The following PLIN4 variants were observed in gnomAD, a reference collection of about 807,000 sequenced individuals.
The protein encoded by PLIN4 is perilipin 4.
Under a neutral mutation model 52.4 loss-of-function variants are expected in PLIN4, and 57 were observed. The observed-to-expected ratio is 1.09, with a 90% CI of 0.88 to 1.36. The LOEUF (loss-of-function observed/expected upper bound fraction) is 1.36. Ranked by LOEUF, PLIN4 falls within the 40% of genes most tolerant of loss-of-function variation. PLIN4 has a pLI of 0.00. For missense variants in PLIN4, 1,757 were observed against 1,770.3 expected (o/e 0.99, Z 0.13); for synonymous variants, 826 against 785.4 (o/e 1.05, Z -0.86).
At position 4,504,493 on chromosome 19, in the gene PLIN4, A is replaced by C; in HGVS notation, c.4082T>G (p.Val1361Gly). The C allele has an allele frequency of 6.3e-7, 1 of 1,597,464 alleles. No individual in the cohort carries two copies. The highest frequency in any genetic ancestry group is 8.5e-7 in the Non-Finnish European group (1 of 1,171,066). ...GCCAGCGGGCAAGGCGAAGGGCCCTACCAGCCAGCTGAGCGGGGGATTGTG... is the reference window on the plus strand; with the variant it reads ...GCCAGCGGGCAAGGCGAAGGGCCCTCCCAGCCAGCTGAGCGGGGGATTGTG... The part of the protein sequence containing the change: ...LQHNPPLSWL[V>G]GPFALPAGGQ Residue 1361 changes from valine to glycine, a missense_variant, in exon 8 of 8, where the codon GTA becomes GGA. Physicochemically the swap from Val to Gly is moderately radical, Grantham distance 109. Around this residue, in one of 7 missense-constraint regions of PLIN4, gnomAD observed 712 missense variants for 637.1 expected, o/e 1.12. Transcript: ENST00000301286.
Position 4,511,034 on chromosome 19 carries a change from T to G in PLIN4, c.2926A>C (p.Lys976Gln). The G allele has an allele frequency of 6.2e-7, 1 of 1,613,424 alleles. No individual in the cohort carries two copies. Among genetic ancestry groups the G allele is most frequent in the Non-Finnish European group, 8.5e-7 (1 of 1,179,846 alleles). ...TCCACGCCGGTCTGCACGGTTCCTTTGGCCACATTCACTGCCCCCGTGACT... is the reference window on the plus strand; with the variant it reads ...TCCACGCCGGTCTGCACGGTTCCTTGGGCCACATTCACTGCCCCCGTGACT... Reference protein sequence around the residue: ...TGVTGAVNVAKGTVQTGVDAS... With the variant: ...TGVTGAVNVAQGTVQTGVDAS... Residue 976 changes from lysine (K) to glutamine (Q), a missense_variant, in exon 5 of 8, where the codon AAA becomes CAA. Physicochemically the swap from Lys to Gln is moderately conservative, Grantham distance 53. This residue lies in a region of PLIN4 where 712 missense variants were observed against 637.1 expected (regional missense o/e 1.12). Coordinates refer to ENST00000301286, the MANE Select transcript of PLIN4 (RefSeq NM_001367868.2).
chr19:4,508,646 A>G (rs1976172948), intron 6 of PLIN4, 122 bp downstream of exon 6: 4 of 1,103,948 alleles, frequency 3.6e-6, no homozygotes, highest in African/African-American at 1.6e-5. Flanking sequence ...AGCCATGACC[A>G]TTGGTGACGC....
In PLIN4 at chr19:4,517,711, G is replaced by A. The variant is rs750993101; in HGVS notation, c.52-13C>T. 4.6e-5 allele frequency: 73 copies of A among 1,571,768 alleles called. No individual in the cohort carries two copies. In the Middle Eastern group the frequency reaches 6.7e-4, roughly 14 times the overall value. On this transcript the variant is annotated splice_polypyrimidine_tract_variant and intron_variant, in intron 2 of 7. Coordinates refer to ENST00000301286, the MANE Select transcript of PLIN4 (RefSeq NM_001367868.2). Reference sequence around the variant, plus strand: ...AGCTGCCCAGGGTCTGCATGGGGGCGGGGGGTGTGCAGGATGAGCAGGCCA... The same window carrying A: ...AGCTGCCCAGGGTCTGCATGGGGGCAGGGGGTGTGCAGGATGAGCAGGCCA...
At position 4,513,240 on chromosome 19, in the gene PLIN4, AGT is replaced by A; in HGVS notation, c.718_719del (p.Thr240TrpfsTer21). 1 of 1,613,868 alleles carries A rather than the reference AGT, an allele frequency of 6.2e-7. No homozygotes were observed. The highest frequency in any genetic ancestry group is 8.5e-7 in the Non-Finnish European group (1 of 1,179,896). On this transcript the variant is annotated frameshift_variant, in exon 5 of 8. Coordinates refer to ENST00000301286, the MANE Select transcript of PLIN4 (RefSeq NM_001367868.2). LOFTEE classifies it high-confidence loss of function. ...CCACATTCACTGCCCCTGTGAGCCC[AGT>A]GGACACAGCATCTTTGGTGCCGGTC... ...VLTGTKDAVS[T>X]GLTGAVNVAR...
chr19:4,509,752 CA>C lies in PLIN4; in HGVS notation c.3514+693del, dbSNP rs1976228367. ...CCCAGGAGTTTGAGACCAGCCTGGG[CA>C]ACATAGAGAGACAAAAAACATACAA... is the stretch of plus-strand genomic sequence containing the variant. On this transcript the variant is annotated intron_variant, in intron 5 of 7. Coordinates refer to ENST00000301286, the MANE Select transcript of PLIN4 (RefSeq NM_001367868.2). Among the ~76,000 whole-genome samples, 8 of 152,114 alleles carry C rather than the reference CA, an allele frequency of 5.3e-5. No individual in the cohort carries two copies. In the South Asian group the frequency reaches 1.7e-3, roughly 32 times the overall value.
rs1417545072 is a variant in PLIN4 at position 4,513,404 on chromosome 19, T to C, written c.556A>G (p.Thr186Ala). 6.2e-7 allele frequency: 1 copy of C among 1,613,038 alleles called. No individual in the cohort carries two copies. The highest frequency in any genetic ancestry group is 8.5e-7 in the Non-Finnish European group (1 of 1,179,666). Reference sequence around the variant, plus strand: ...GTGGTGTCCACACCGGCCTGTACGGTCCCTTTGGCCACATTCACTGCCCCC... The same window carrying C: ...GTGGTGTCCACACCGGCCTGTACGGCCCCTTTGGCCACATTCACTGCCCCC... Reference protein sequence around the residue: ...LTGAVNVAKGTVQAGVDTTKT... With the variant: ...LTGAVNVAKGAVQAGVDTTKT... The change falls in exon 5 of 8, where the codon ACC (threonine) becomes GCC (alanine). Residue 186 changes from threonine (T) to alanine (A), a missense_variant. Thr to Ala is a moderately conservative substitution (Grantham distance 58, BLOSUM62 0). Transcript: ENST00000301286.
intron 6 of PLIN4, among the ~76,000 whole-genome samples, chr19:4,506,151 C>G (rs1976086168): frequency 6.6e-6 from 1 of 152,156 alleles, no homozygotes; most frequent in Admixed American, 6.5e-5. Flanking sequence ...CACCTTGGAT[C>G]AGGCCGCTCC....
At position 4,513,380 on chromosome 19, in the gene PLIN4, T is replaced by C; in HGVS notation, c.580A>G (p.Thr194Ala). The change falls in exon 5 of 8, where the codon ACC becomes GCC. Residue 194 changes from threonine (T) to alanine (A), a missense_variant. This residue lies in a region of PLIN4 where 332 missense variants were observed against 310.8 expected (regional missense o/e 1.07). Transcript: ENST00000301286. ...TTGGTGCCGGTCAGCACAGTCTTGG[T>C]GGTGTCCACACCGGCCTGTACGGTC... ...KGTVQAGVDTTKTVLTGTKDT... is the reference protein window; with the variant it reads ...KGTVQAGVDTAKTVLTGTKDT... 2 of 1,613,538 alleles carry C rather than the reference T, an allele frequency of 1.2e-6. No homozygotes were observed. Among genetic ancestry groups the C allele is most frequent in the Non-Finnish European group, 1.7e-6 (2 of 1,179,846 alleles).
chr19:4,515,554 C>T (rs1976562894), intron 4 of PLIN4, among the ~76,000 whole-genome samples: 1 of 152,144 alleles, frequency 6.6e-6, no homozygotes, highest in African/African-American at 2.4e-5. Flanking sequence ...CAGGTGTGAA[C>T]CACCGTGCCC....
Position 4,510,879 on chromosome 19 carries a change from T to C in PLIN4, c.3081A>G (p.Lys1027=). 6.2e-7 allele frequency: 1 copy of C among 1,613,536 alleles called. No homozygotes were observed. The highest frequency in any genetic ancestry group is 8.5e-7 in the Non-Finnish European group (1 of 1,179,806). Residue 1027 remains lysine (K), a synonymous_variant, in exon 5 of 8, where the codon AAA becomes AAG. Coordinates refer to ENST00000301286, the MANE Select transcript of PLIN4 (RefSeq NM_001367868.2). ...CCATGAGCCCAGCGGACACTGCGTC[T>C]TTGGTTCCGGTCAGCACTGTCTTGG... The part of the protein sequence containing the change: ...DTTKTVLTGT[K]DAVSAGLMGS...
At chr19:4,509,258 C>T (rs1344314815) in intron 5 of PLIN4, among the ~76,000 whole-genome samples, 1 of 128,586 alleles carries the variant, frequency 7.8e-6, no homozygotes, top group African/African-American at 3.0e-5. Flanking sequence ...TTGCAGTGAG[C>T]CGAGATGGAG....
Position 4,508,763 on chromosome 19 carries a change from C to T in PLIN4, c.3702+5G>A, listed in dbSNP as rs1293047883. The T allele has an allele frequency of 3.2e-6, 5 of 1,573,382 alleles. No individual in the cohort carries two copies. The highest frequency in any genetic ancestry group is 4.3e-6 in the Non-Finnish European group (5 of 1,160,118). The stretch of plus-strand genomic sequence containing the variant: ...GACGGGGCAGCAGCAGGGGGAAGCT[C>T]TTACCAGCCTGAAGCAGTCCTGGAG... On this transcript the variant is annotated splice_donor_5th_base_variant and intron_variant, in intron 6 of 7. Transcript: ENST00000301286.
rs781260340 is a variant in PLIN4 at position 4,512,279 on chromosome 19, CCA to C, written c.1679_1680del (p.Val560GlyfsTer203). 2.5e-6 allele frequency: 4 copies of C among 1,607,812 alleles called. No homozygotes were observed. Among genetic ancestry groups the C allele is most frequent in the Admixed American group, 3.4e-5 (2 of 59,452 alleles). On this transcript the variant is annotated frameshift_variant, in exon 5 of 8. Transcript: ENST00000301286. LOFTEE classifies it high-confidence loss of function. ...VQGGLDTTKS[V>X]VIGTKDTMST... ...GACATCGTGTCTTTTGTACCTATGA[CCA>C]CAGACTTGGTGGTGTCCAGGCCCCC...
chr19:4,509,310 C>CAAAAAAAAAAAAAAAAA lies in PLIN4; in HGVS notation c.3515-356_3515-355insTTTTTTTTTTTTTTTTT, dbSNP rs71168909. 3.8e-4 allele frequency among the ~76,000 whole-genome samples: 6 copies of CAAAAAAAAAAAAAAAAA among 15,794 alleles called. 2 individuals carry two copies. The highest frequency in any genetic ancestry group is 6.4e-4 in the Non-Finnish European group (5 of 7,870). 10.4% of individuals were successfully genotyped at this position (15,794 alleles called of 152,430 possible). ...TGGGTAAGAGTGCGAGACTCCGTCTCAAAAAAAAAAAAAAAGTTAAGTGAG... is the reference window on the plus strand; with the variant it reads ...TGGGTAAGAGTGCGAGACTCCGTCTCAAAAAAAAAAAAAAAAAAAAAAAAAAAAAAAAGTTAAGTGAG... On this transcript the variant is annotated intron_variant, in intron 5 of 7. Coordinates refer to ENST00000301286, the MANE Select transcript of PLIN4 (RefSeq NM_001367868.2).
In PLIN4 at chr19:4,504,703, A is replaced by C. The variant is rs993541112; in HGVS notation, c.3872T>G (p.Leu1291Arg). The C allele has an allele frequency of 3.7e-6, 6 of 1,601,310 alleles. No individual in the cohort carries two copies. Among genetic ancestry groups the C allele is most frequent in the Non-Finnish European group, 3.4e-6 (4 of 1,177,880 alleles). ...HTAYSGLVSS[L>R]QGLPAELQQP... ...CTGGAGCTCGGCGGGCAGGCCCTGG[A>C]GGCTGGAGACCAGGCCACTGTAGGC... is the stretch of plus-strand genomic sequence containing the variant. The change falls in exon 8 of 8, where the codon CTC becomes CGC. Residue 1291 changes from leucine to arginine, a missense_variant. Physicochemically the swap from Leu to Arg is moderately radical, Grantham distance 102. This residue lies in a region of PLIN4 where 712 missense variants were observed against 637.1 expected (regional missense o/e 1.12). Coordinates refer to ENST00000301286, the MANE Select transcript of PLIN4 (RefSeq NM_001367868.2).
chr19:4,514,187 G>A (rs1976524535), intron 4 of PLIN4, among the ~76,000 whole-genome samples: 1 of 152,164 alleles, frequency 6.6e-6, no homozygotes. Context: ...TGTGATGGCT[G>A]ATGCCTGCAA....
intron 5 of PLIN4, among the ~76,000 whole-genome samples, chr19:4,510,244 T>C (rs1281038673): frequency 6.6e-6 from 1 of 151,526 alleles, no homozygotes; most frequent in East Asian, 2.0e-4. Flanking sequence ...TGGGCGCCTG[T>C]AGTCCCAGCT....
At chr19:4,507,096 C>T (rs1325464446) in intron 6 of PLIN4, among the ~76,000 whole-genome samples, 1 of 152,254 alleles carries the variant, frequency 6.6e-6, no homozygotes, top group Non-Finnish European at 1.5e-5. Context: ...CTAGTGTCCC[C>T]TGGAGGCAGG....
Position 4,517,573 on chromosome 19 carries a change from A to T in PLIN4, c.177T>A (p.Ala59=), listed in dbSNP as rs754418483. The T allele has an allele frequency of 1.2e-4, 187 of 1,609,812 alleles. No individual in the cohort carries two copies. The highest frequency in any genetic ancestry group is 1.4e-4 in the Non-Finnish European group (167 of 1,178,794). ...ADPTGAPAAE[A]AQPQAQVAAH... Reference sequence around the variant, plus strand: ...ACTCACCCTGAGCCTGTGGTTGGGCAGCCTCGGCAGCAGGCGCTCCTGTGG... The same window carrying T: ...ACTCACCCTGAGCCTGTGGTTGGGCTGCCTCGGCAGCAGGCGCTCCTGTGG... Residue 59 remains alanine (A), a synonymous_variant, in exon 3 of 8, where the codon GCT becomes GCA. Coordinates refer to ENST00000301286, the MANE Select transcript of PLIN4 (RefSeq NM_001367868.2).
Sources: gnomAD v4.1 joint callset for allele counts (sites outside exome capture counted in the v4.1 genomes callset) on GRCh38, gnomAD v4.1.1 for gene constraint, gnomAD v4.1.1 regional missense constraint, MANE v1.5 for transcripts, NCBI Gene and HGNC (gene_info 2026-07-23, HGNC 2026-07-21) for gene names.